FLOT1: variants seen among roughly 807,000 people sequenced by gnomAD.
The protein encoded by FLOT1 is flotillin-1.
Under a neutral mutation model 58.4 loss-of-function variants are expected in FLOT1, and 40 were observed. That is an observed-to-expected ratio of 0.69 (90% CI 0.53 to 0.89). FLOT1 has a LOEUF of 0.89. Among genes scored for constraint, FLOT1 ranks in the 40% least tolerant of loss-of-function variants. The pLI is 0.00. For synonymous variants in FLOT1, 178 were observed against 204.2 expected (o/e 0.87, Z 1.09); for missense variants, 423 against 540.8 (o/e 0.78, Z 2.16).
chr6:30,741,784 T>C lies in FLOT1; in HGVS notation c.119+8A>G. 1.2e-6 allele frequency: 2 copies of C among 1,612,928 alleles called. No homozygotes were observed. The highest frequency in any genetic ancestry group is 3.3e-5 in the Admixed American group (2 of 60,022). Reference sequence around the variant, plus strand: ...AGGTCCCCCTTCCCTGGTTCCCTTCTTGCCTACCTCTGGATCTGTTGGATG... The same window carrying C: ...AGGTCCCCCTTCCCTGGTTCCCTTCCTGCCTACCTCTGGATCTGTTGGATG... On this transcript the variant is annotated splice_region_variant and intron_variant, in intron 3 of 12. Coordinates refer to ENST00000376389, the MANE Select transcript of FLOT1 (RefSeq NM_005803.4). The surrounding 1 kb of genome is among the most constrained non-coding windows in gnomAD (Gnocchi z 5.9).
At position 30,730,058 on chromosome 6, in the gene FLOT1, C is replaced by T. The variant is rs761443032; in HGVS notation, c.1218G>A (p.Glu406=). ...TCACGCCTGTGAGTCTTTCCACACT[C>T]TCTGGCAGGCGAGTTAGAATGTCCA... ...EVLDILTRLP[E]SVERLTGVSI... The change falls in exon 12 of 13, where the codon GAG becomes GAA. Residue 406 remains glutamate, a synonymous_variant. Coordinates refer to ENST00000376389, the MANE Select transcript of FLOT1 (RefSeq NM_005803.4). 4 of 1,613,056 alleles carry T rather than the reference C, an allele frequency of 2.5e-6. No individual in the cohort carries two copies. Among genetic ancestry groups the T allele is most frequent in the Non-Finnish European group, 2.5e-6 (3 of 1,180,028 alleles).
intron 8 of FLOT1, among the ~76,000 whole-genome samples, chr6:30,732,790 G>C (rs1777292725): frequency 6.6e-6 from 1 of 152,142 alleles, no homozygotes; most frequent in South Asian, 2.1e-4. Flanking sequence ...GAGAAGCATA[G>C]CTCTGGAGAC....
At chr6:30,734,229 A>G (rs891711839) in intron 8 of FLOT1, among the ~76,000 whole-genome samples, 1 of 151,360 alleles carries the variant, frequency 6.6e-6, no homozygotes, top group South Asian at 2.1e-4. Flanking sequence ...GACCATTTCA[A>G]TCTAAAACCT....
intron 5 of FLOT1, 143 bp from the exon 6 acceptor site, chr6:30,740,941 C>A: frequency 7.9e-7 from 1 of 1,261,944 alleles, no homozygotes; most frequent in Non-Finnish European, 1.1e-6. Context: ...CACCCATCAC[C>A]ATACCCAGCT....
chr6:30,732,454 A>G (rs1777269443), intron 8 of FLOT1, among the ~76,000 whole-genome samples: 1 of 151,454 alleles, frequency 6.6e-6, no homozygotes, highest in Non-Finnish European at 1.5e-5. Flanking sequence ...CTGGGCTCAG[A>G]TGATCCTCCC....
In FLOT1 at chr6:30,741,497, C is replaced by A. The variant is rs559283229; in HGVS notation, c.210+117G>T. 3.2e-6 allele frequency: 4 copies of A among 1,241,544 alleles called. No individual in the cohort carries two copies. The highest frequency in any genetic ancestry group is 3.0e-5 in the African/African-American group (2 of 67,366). The allele number at this position is 1,241,544 out of a possible 1,614,324, so 76.9% of individuals were successfully genotyped here. ...GGGTGCCTGGAAAAGATGAGACTAG[C>A]AGAGGAACTTCTCTGCAGGCAAGGG... On this transcript the variant is annotated intron_variant, in intron 4 of 12. Transcript: ENST00000376389. This position sits in a 1 kb window ranked among gnomAD's most constrained non-coding sequence, Gnocchi z 5.9.
At position 30,730,049 on chromosome 6, in the gene FLOT1, T is replaced by C. The variant is rs113030936; in HGVS notation, c.1227A>G (p.Glu409=). ...GGGAGATGCTCACGCCTGTGAGTCTTTCCACACTCTCTGGCAGGCGAGTTA... is the reference window on the plus strand; with the variant it reads ...GGGAGATGCTCACGCCTGTGAGTCTCTCCACACTCTCTGGCAGGCGAGTTA... ...DILTRLPESV[E]RLTGVSISQV... The change falls in exon 12 of 13, where the codon GAA becomes GAG. Residue 409 remains glutamate, a synonymous_variant. Transcript: ENST00000376389. 2,720 of 1,613,036 alleles carry C rather than the reference T, an allele frequency of 1.7e-3. 37 individuals are homozygous for C. The African/African-American group carries it at 0.032, about 19-fold the overall frequency.
In FLOT1 at chr6:30,742,623, T is replaced by C; in HGVS notation, c.-111A>G. Reference sequence around the variant, plus strand: ...GGCAGGGGCCGCTCGCAGACCAGCTTTCCTGGGAGCTGGCCCCGCTCCCGC... The same window carrying C: ...GGCAGGGGCCGCTCGCAGACCAGCTCTCCTGGGAGCTGGCCCCGCTCCCGC... On this transcript the variant is annotated 5_prime_UTR_variant, in exon 1 of 13. Transcript: ENST00000376389. This position sits in a 1 kb window ranked among gnomAD's most constrained non-coding sequence, Gnocchi z 5.2. 5.3e-6 allele frequency: 1 copy of C among 189,556 alleles called. No homozygotes were observed. The highest frequency in any genetic ancestry group is 1.1e-5 in the Non-Finnish European group (1 of 90,236). The allele number at this position is 189,556 out of a possible 1,614,324, so 11.7% of individuals were successfully genotyped here.
chr6:30,730,271 G>C, intron 11 of FLOT1, 85 bp from the exon 12 acceptor site: 1 of 1,532,332 alleles, frequency 6.5e-7, no homozygotes, highest in African/African-American at 1.4e-5. Context: ...TAAGGTCCTC[G>C]TTCCACTGAT....
chr6:30,741,801 T>C lies in FLOT1; in HGVS notation c.110A>G (p.Gln37Arg). 6.2e-7 allele frequency: 1 copy of C among 1,613,002 alleles called. No homozygotes were observed. The highest frequency in any genetic ancestry group is 8.5e-7 in the Non-Finnish European group (1 of 1,179,974). Residue 37 changes from glutamine (Q) to arginine (R), a missense_variant, in exon 3 of 13, where the codon CAG becomes CGG. Gln to Arg is a conservative substitution (Grantham distance 43, BLOSUM62 1). Around this residue, in one of 6 missense-constraint regions of FLOT1, gnomAD observed 91 missense variants for 118.3 expected, o/e 0.77. Coordinates refer to ENST00000376389, the MANE Select transcript of FLOT1 (RefSeq NM_005803.4). The surrounding 1 kb of genome is among the most constrained non-coding windows in gnomAD (Gnocchi z 5.9). ...TTCCCTTCTTGCCTACCTCTGGATC[T>C]GTTGGATGCAGGGCAGGACAAAGAC... Reference protein sequence around the residue: ...GRVFVLPCIQQIQRISLNTLT... With the variant: ...GRVFVLPCIQRIQRISLNTLT...
Position 30,728,154 on chromosome 6 carries a change from A to G in FLOT1, c.1255-9T>C, listed in dbSNP as rs1472890743. The G allele has an allele frequency of 6.2e-7, 1 of 1,612,846 alleles. No homozygotes were observed. The highest frequency in any genetic ancestry group is 2.2e-5 in the East Asian group (1 of 44,882). On this transcript the variant is annotated splice_polypyrimidine_tract_variant and intron_variant, in intron 12 of 12. Transcript: ENST00000376389. ...AAAGGCTTGTGATTCACCTGGCAAAAAGACAACAGTAGATGACACTTGGGA... is the reference window on the plus strand; with the variant it reads ...AAAGGCTTGTGATTCACCTGGCAAAGAGACAACAGTAGATGACACTTGGGA...
At chr6:30,728,701 C>T (rs1416488075) in intron 12 of FLOT1, among the ~76,000 whole-genome samples, 1 of 151,984 alleles carries the variant, frequency 6.6e-6, no homozygotes, top group Admixed American at 6.6e-5. Flanking sequence ...AACTTCTGAC[C>T]TCAGCTGATC....
At chr6:30,739,509 A>G (rs1299870260) in intron 8 of FLOT1, among the ~76,000 whole-genome samples, 1 of 151,960 alleles carries the variant, frequency 6.6e-6, no homozygotes, top group East Asian at 1.9e-4. Flanking sequence ...AGCTGGGACT[A>G]CAGGTGCGTG....
At position 30,742,049 on chromosome 6, in the gene FLOT1, C is replaced by T; in HGVS notation, c.43+98G>A. ...TTCGTGGCCATCAAGGGGCAGAAGT[C>T]TGGTGCTGGGAAGTTGGTAGGGAGA... On this transcript the variant is annotated intron_variant, in intron 2 of 12. Transcript: ENST00000376389. This position sits in a 1 kb window ranked among gnomAD's most constrained non-coding sequence, Gnocchi z 5.2. 7.4e-7 allele frequency: 1 copy of T among 1,356,014 alleles called. No homozygotes were observed. 84.0% of individuals were successfully genotyped at this position (1,356,014 alleles called of 1,614,324 possible).
Position 30,730,995 on chromosome 6 carries a change from T to C in FLOT1, c.829A>G (p.Lys277Glu), listed in dbSNP as rs1777144369. The stretch of plus-strand genomic sequence containing the variant: ...TTCCGCACCCGGGCCTCCAGCTCCT[T>C]CTCCCGCCGGGCGATCTCCTGCTCC... ...VQEQEIARRE[K>E]ELEARVRKPA... The change falls in exon 9 of 13, where the codon AAG (lysine) becomes GAG (glutamate). Residue 277 changes from lysine (K) to glutamate (E), a missense_variant. This residue lies in a region of FLOT1 where 106 missense variants were observed against 88.4 expected (regional missense o/e 1.20). Transcript: ENST00000376389. 1.2e-6 allele frequency: 2 copies of C among 1,613,792 alleles called. No individual in the cohort carries two copies. The highest frequency in any genetic ancestry group is 1.7e-5 in the Admixed American group (1 of 60,016).
chr6:30,731,023 C>T lies in FLOT1; in HGVS notation c.801G>A (p.Val267=), dbSNP rs771806450. 6.2e-7 allele frequency: 1 copy of T among 1,613,060 alleles called. No individual in the cohort carries two copies. Among genetic ancestry groups the T allele is most frequent in the African/African-American group, 1.3e-5 (1 of 75,068 alleles). ...CCCGCCGGGCGATCTCCTGCTCCTG[C>T]ACTGCCACCTGCTGGGCCCGCTCCA... The part of the protein sequence containing the change: ...QVVERAQQVA[V]QEQEIARREK... Residue 267 remains valine (V), a synonymous_variant, in exon 9 of 13, where the codon GTG becomes GTA. Coordinates refer to ENST00000376389, the MANE Select transcript of FLOT1 (RefSeq NM_005803.4).
intron 6 of FLOT1, 39 bp downstream of exon 6, chr6:30,740,640 G>GAGC: frequency 6.2e-7 from 1 of 1,612,992 alleles, no homozygotes; most frequent in South Asian, 1.1e-5. Flanking sequence ...TAAGAGATGG[G>GAGC]AGCAAGGAAG....
chr6:30,728,185 C>G, intron 12 of FLOT1, 40 bp from the exon 13 acceptor site: 1 of 1,603,744 alleles, frequency 6.2e-7, no homozygotes, highest in Non-Finnish European at 8.5e-7. Flanking sequence ...TGGGAACATT[C>G]GGGAGGCTGA....
Position 30,741,052 on chromosome 6 carries a change from G to A in FLOT1, c.354+138C>T. ...TCTGCCCACCTTGGCATCCCAAAGTGCTGGGATTACAGGCATGAACCACCC... is the reference window on the plus strand; with the variant it reads ...TCTGCCCACCTTGGCATCCCAAAGTACTGGGATTACAGGCATGAACCACCC... On this transcript the variant is annotated intron_variant, in intron 5 of 12. Transcript: ENST00000376389. This position sits in a 1 kb window ranked among gnomAD's most constrained non-coding sequence, Gnocchi z 5.9. 1 of 1,145,974 alleles carries A rather than the reference G, an allele frequency of 8.7e-7. No individual in the cohort carries two copies. The highest frequency in any genetic ancestry group is 1.2e-6 in the Non-Finnish European group (1 of 817,878). The allele number at this position is 1,145,974 out of a possible 1,614,324, so 71.0% of individuals were successfully genotyped here. A position where few individuals can be genotyped will look rare whatever the true frequency, so the allele number is the denominator to read the frequency against.
Sources: allele counts gnomAD v4.1 joint callset (sites outside exome capture counted in the v4.1 genomes callset), GRCh38; gene constraint gnomAD v4.1.1; regional missense constraint gnomAD v4.1.1; non-coding constraint Gnocchi (gnomAD v3.1); transcripts MANE v1.5; gene names NCBI Gene and HGNC (gene_info 2026-07-23, HGNC 2026-07-21).